Variants in PAPOLG observed in about 807,000 individuals in gnomAD.
PAPOLG encodes the protein poly(A) polymerase gamma, also known as PAP-gamma.
In PAPOLG, 40 loss-of-function variants were observed where a neutral mutation model predicts 99.0. That is an observed-to-expected ratio of 0.40 (90% CI 0.31 to 0.53). PAPOLG has a LOEUF of 0.53. Ranked by LOEUF, PAPOLG falls within the 20% of genes least tolerant of loss-of-function variation. PAPOLG has a pLI of 0.41. For missense variants in PAPOLG, 675 were observed against 884.1 expected (o/e 0.76, Z 3.00); for synonymous variants, 310 against 299.3 (o/e 1.04, Z -0.37).
chr2:60,792,088 C>T (rs756748886), intron 16 of PAPOLG, 41 bp from the exon 17 acceptor site: 2 of 1,550,666 alleles, frequency 1.3e-6, no homozygotes, highest in East Asian at 2.3e-5. Context: ...TTTATATTGT[C>T]ATTTGCATTT....
rs1311017812 is a variant in PAPOLG, at chr2:60,801,917, A to G, written c.*4757A>G. 6 of 152,376 alleles carry G rather than the reference A, an allele frequency of 3.9e-5. No homozygotes were observed. The highest frequency in any genetic ancestry group is 7.2e-5 in the African/African-American group (3 of 41,458). 9.4% of individuals were successfully genotyped at this position (152,376 alleles called of 1,614,324 possible). ...GAGATTAATGGTGCTACATCACTCT[A>G]CAGTACTATGTAAAATGAATGGAGC... On this transcript the variant is annotated 3_prime_UTR_variant, in exon 22 of 22. Coordinates refer to ENST00000238714, the MANE Select transcript of PAPOLG (RefSeq NM_022894.4).
chr2:60,783,181 G>A lies in PAPOLG; in HGVS notation c.1138G>A (p.Ala380Thr), dbSNP rs868560370. 3 of 1,590,094 alleles carry A rather than the reference G, an allele frequency of 1.9e-6. No homozygotes were observed. Among genetic ancestry groups the A allele is most frequent in the Non-Finnish European group, 2.6e-6 (3 of 1,169,142 alleles). Residue 380 changes from alanine to threonine, a missense_variant, in exon 13 of 22, where the codon GCA (alanine) becomes ACA (threonine). Transcript: ENST00000238714. The stretch of plus-strand genomic sequence containing the variant: ...ACATTATATAGTATTGACTGCCAGC[G>A]CATCAACAGAAGAAAACCATCTAGA... The part of the protein sequence containing the change: ...YRHYIVLTAS[A>T]STEENHLEWV...
chr2:60,774,453 C>T (rs1268943383), intron 7 of PAPOLG, among the ~76,000 whole-genome samples: 3 of 151,848 alleles, frequency 2.0e-5, no homozygotes, highest in Admixed American at 2.0e-4. Flanking sequence ...ACAACCTCCG[C>T]CTCCCGGGTT....
chr2:60,794,143 T>C lies in PAPOLG; in HGVS notation c.1941T>C (p.His647=). Residue 647 remains histidine, a synonymous_variant, in exon 19 of 22, where the codon CAT becomes CAC. Coordinates refer to ENST00000238714, the MANE Select transcript of PAPOLG (RefSeq NM_022894.4). ...AGACTGTTACACCTAAGAGATCCCA[T>C]TCCCCATCCATAGATGGGACTCCTA... The part of the protein sequence containing the change: ...ITKTVTPKRS[H]SPSIDGTPKR... The C allele has an allele frequency of 6.2e-7, 1 of 1,613,078 alleles. No homozygotes were observed. Among genetic ancestry groups the C allele is most frequent in the Non-Finnish European group, 8.5e-7 (1 of 1,179,120 alleles).
At chr2:60,762,494 C>A (rs1215635056) in intron 3 of PAPOLG, among the ~76,000 whole-genome samples, 2 of 152,016 alleles carry the variant, frequency 1.3e-5, no homozygotes, top group East Asian at 1.9e-4. Context: ...TAATATAGTA[C>A]ATATTTGCAT....
At chr2:60,781,674 A>G (rs1215464821) in intron 10 of PAPOLG, among the ~76,000 whole-genome samples, 1 of 152,240 alleles carries the variant, frequency 6.6e-6, no homozygotes, top group Non-Finnish European at 1.5e-5. Flanking sequence ...TTCTGAGGAA[A>G]AATATACTTC....
At chr2:60,780,307 G>T (rs1206713757) in intron 9 of PAPOLG, among the ~76,000 whole-genome samples, 7 of 147,766 alleles carry the variant, frequency 4.7e-5, no homozygotes, top group Non-Finnish European at 1.0e-4. Flanking sequence ...TTGAGACAGG[G>T]TCTCACTCTG....
intron 13 of PAPOLG, among the ~76,000 whole-genome samples, chr2:60,785,776 C>T (rs1459900340): frequency 6.6e-6 from 1 of 151,556 alleles, no homozygotes; most frequent in Non-Finnish European, 1.5e-5. Flanking sequence ...ACGTGATCCT[C>T]CCGCCTCAGC....
chr2:60,760,058 A>C, intron 1 of PAPOLG, 76 bp from the exon 2 acceptor site: 3 of 1,399,862 alleles, frequency 2.1e-6, no homozygotes. Context: ...TAACATGAGT[A>C]GATTGAGAGA....
At chr2:60,782,251 A>C (rs544467192) in intron 11 of PAPOLG, among the ~76,000 whole-genome samples, 1 of 152,230 alleles carries the variant, frequency 6.6e-6, no homozygotes, top group South Asian at 2.1e-4. Context: ...ACAACATTAT[A>C]TATATTTATA....
intron 3 of PAPOLG, among the ~76,000 whole-genome samples, chr2:60,764,530 A>G (rs139229477): frequency 1.7e-4 from 25 of 150,370 alleles, no homozygotes; most frequent in African/African-American, 6.1e-4. Context: ...AGTCCTCCCA[A>G]CCTCCCCACC....
chr2:60,756,412 G>T lies in PAPOLG; in HGVS notation c.-67G>T. The T allele has an allele frequency of 1.2e-6, 2 of 1,608,780 alleles. No homozygotes were observed. Among genetic ancestry groups the T allele is most frequent in the African/African-American group, 1.3e-5 (1 of 74,912 alleles). ...GACCGGAGGAAAGTGAACAGGGGGA[G>T]AAGGGAACAGCAAGAACAGGACTCC... On this transcript the variant is annotated 5_prime_UTR_variant, in exon 1 of 22. Coordinates refer to ENST00000238714, the MANE Select transcript of PAPOLG (RefSeq NM_022894.4).
rs776380211 is a variant in PAPOLG, at chr2:60,794,088, C to T, written c.1886C>T (p.Pro629Leu). Residue 629 changes from proline to leucine, a missense_variant, in exon 19 of 22, where the codon CCG becomes CTG. Pro to Leu is a moderately conservative substitution (Grantham distance 98). This residue lies in a region of PAPOLG where 413 missense variants were observed against 460.5 expected (regional missense o/e 0.90). Coordinates refer to ENST00000238714, the MANE Select transcript of PAPOLG (RefSeq NM_022894.4). The part of the protein sequence containing the change: ...TTPHNPAQGQ[P>L]HLNGMSNITK... Reference sequence around the variant, plus strand: ...CCTCACAACCCTGCCCAGGGACAACCGCATCTGAATGGAATGTCAAATATA... The same window carrying T: ...CCTCACAACCCTGCCCAGGGACAACTGCATCTGAATGGAATGTCAAATATA... 18 of 1,613,960 alleles carry T rather than the reference C, an allele frequency of 1.1e-5. No homozygotes were observed. Among genetic ancestry groups the T allele is most frequent in the African/African-American group, 2.7e-5 (2 of 74,902 alleles).
chr2:60,763,928 G>A (rs555796827), intron 3 of PAPOLG, among the ~76,000 whole-genome samples: 4 of 150,630 alleles, frequency 2.7e-5, no homozygotes, highest in Admixed American at 6.6e-5. Flanking sequence ...TCAGCCTCCC[G>A]AGTAGCTGGG....
At chr2:60,756,621 C>A in intron 1 of PAPOLG, 126 bp downstream of exon 1, 1 of 1,067,028 alleles carries the variant, frequency 9.4e-7, no homozygotes, top group Non-Finnish European at 1.3e-6. Flanking sequence ...TGGTCTCCTT[C>A]CCGGCTCCCG....
chr2:60,784,594 T>C (rs1671300688), intron 13 of PAPOLG, among the ~76,000 whole-genome samples: 1 of 152,256 alleles, frequency 6.6e-6, no homozygotes, highest in South Asian at 2.1e-4. Flanking sequence ...AAGAGTTTAA[T>C]CCTTATTTCA....
intron 15 of PAPOLG, chr2:60,791,511 C>G (rs374552858): frequency 2.0e-5 from 5 of 254,034 alleles, no homozygotes; most frequent in East Asian, 1.8e-4. Context: ...GAGATTGCGC[C>G]ATTGCACTCC....
intron 11 of PAPOLG, 100 bp downstream of exon 11, chr2:60,782,105 C>A: frequency 8.5e-7 from 1 of 1,182,810 alleles, no homozygotes; most frequent in Non-Finnish European, 1.2e-6. Flanking sequence ...AGAGTTATAC[C>A]TATTCTTTCT....
intron 15 of PAPOLG, among the ~76,000 whole-genome samples, chr2:60,788,671 C>T (rs753742741): frequency 1.3e-5 from 2 of 151,966 alleles, no homozygotes; most frequent in Non-Finnish European, 2.9e-5. Context: ...TATGTACAAC[C>T]GGGGTTTGTG....
Sources: allele counts gnomAD v4.1 joint callset (sites outside exome capture counted in the v4.1 genomes callset), GRCh38; gene constraint gnomAD v4.1.1; regional missense constraint gnomAD v4.1.1; transcripts MANE v1.5; gene names NCBI Gene and HGNC (gene_info 2026-07-23, HGNC 2026-07-21).